The following CTNNBIP1 variants were observed in gnomAD, a reference collection of about 807,000 sequenced individuals.
CTNNBIP1 encodes the protein beta-catenin-interacting protein 1.
In CTNNBIP1, 7 loss-of-function variants were observed where a neutral mutation model predicts 11.8. The observed-to-expected ratio is 0.60, with a 90% CI of 0.34 to 1.12. The LOEUF (loss-of-function observed/expected upper bound fraction) is 1.12. CTNNBIP1 is among the 50% of genes most tolerant of loss of function. The probability of loss-of-function intolerance (pLI) is 0.03; values close to 1 mark genes in which losing one functional copy is unlikely to be tolerated. For missense variants in CTNNBIP1, 101 were observed against 113.4 expected, an observed-to-expected ratio of 0.89 and a Z score of 0.50; for synonymous variants, 58 against 43.9, an observed-to-expected ratio of 1.32 and a Z score of -1.26.
intron 1 of CTNNBIP1, among the ~76,000 whole-genome samples, chr1:9,906,337 C>T (rs1639619832): frequency 6.6e-6 from 1 of 152,136 alleles, no homozygotes; most frequent in African/African-American, 2.4e-5. Context: ...GTGGGTGGAT[C>T]GCCTGAGGTC....
chr1:9,878,924 G>A (rs912774838), intron 2 of CTNNBIP1, among the ~76,000 whole-genome samples: 5 of 152,156 alleles, frequency 3.3e-5, no homozygotes, highest in South Asian at 2.1e-4. Context: ...TTTGCCAGGC[G>A]CGGTGGCTCA....
rs899712284 is a variant in CTNNBIP1, at chr1:9,883,443, C to G, written c.-110+262G>C. The stretch of plus-strand genomic sequence containing the variant: ...AGGGGAGAGGTCCACCTGCCCCATC[C>G]CATGTCTACTCAGGCCCCACAGGCT... On this transcript the variant is annotated intron_variant, in intron 2 of 5. Coordinates refer to ENST00000377263, the MANE Select transcript of CTNNBIP1 (RefSeq NM_020248.3). This position sits in a 1 kb window ranked among gnomAD's most constrained non-coding sequence, Gnocchi z 5.6. 2.0e-5 allele frequency among the ~76,000 whole-genome samples: 3 copies of G among 152,104 alleles called. No individual in the cohort carries two copies. The highest frequency in any genetic ancestry group is 7.2e-5 in the African/African-American group (3 of 41,410).
rs1034308843 is a variant in CTNNBIP1 at position 9,871,193 on chromosome 1, C to T, written c.181G>A (p.Asp61Asn). Residue 61 changes from aspartate (D) to asparagine (N), a missense_variant, in exon 5 of 6, where the codon GAC (aspartate) becomes AAC (asparagine). Coordinates refer to ENST00000377263, the MANE Select transcript of CTNNBIP1 (RefSeq NM_020248.3). The surrounding 1 kb of genome is among the most constrained non-coding windows in gnomAD (Gnocchi z 5.2). ...QLSQLPPHSI[D>N]QGAEDVVMAF... ...CCCTCTGCCGCCAACTCACCCTGGT[C>T]GATGGAGTGCGGAGGCAGCTGGCTG... 3.2e-6 allele frequency: 5 copies of T among 1,571,410 alleles called. No individual in the cohort carries two copies. The highest frequency in any genetic ancestry group is 1.9e-5 in the Admixed American group (1 of 52,850).
chr1:9,892,151 G>A (rs527853743), intron 1 of CTNNBIP1, among the ~76,000 whole-genome samples: 4 of 151,620 alleles, frequency 2.6e-5, no homozygotes, highest in African/African-American at 4.8e-5. Flanking sequence ...GCCTGGGCGC[G>A]GTGGCTCACG....
chr1:9,906,048 G>A (rs1435374226), intron 1 of CTNNBIP1, among the ~76,000 whole-genome samples: 1 of 152,204 alleles, frequency 6.6e-6, no homozygotes, highest in East Asian at 1.9e-4. Context: ...CTTCAATTTA[G>A]CATATACCAA....
intron 5 of CTNNBIP1, among the ~76,000 whole-genome samples, chr1:9,869,190 G>A (rs1310706549): frequency 6.6e-6 from 1 of 151,810 alleles, no homozygotes; most frequent in East Asian, 1.9e-4. Flanking sequence ...TGTAGCGAGA[G>A]GGTCTCCCTA....
intron 1 of CTNNBIP1, among the ~76,000 whole-genome samples, chr1:9,891,141 T>A (rs1247473027): frequency 1.3e-5 from 2 of 148,978 alleles, no homozygotes; most frequent in African/African-American, 5.0e-5. Flanking sequence ...ACTGACACAG[T>A]GCTATTTTTG....
intron 2 of CTNNBIP1, among the ~76,000 whole-genome samples, chr1:9,880,285 A>G (rs1482486759): frequency 6.6e-6 from 1 of 152,134 alleles, no homozygotes; most frequent in African/African-American, 2.4e-5. Context: ...AGCTTCATCC[A>G]TGTCCCTGCA....
chr1:9,851,415 G>A lies in CTNNBIP1; in HGVS notation c.188-639C>T, dbSNP rs138247028. ...ATATGGAGTCTTGCTCTATCACCCA[G>A]GCTGGAGTATAGTGGCACAATCTCG... On this transcript the variant is annotated intron_variant, in intron 5 of 5. Coordinates refer to ENST00000377263, the MANE Select transcript of CTNNBIP1 (RefSeq NM_020248.3). This position sits in a 1 kb window ranked among gnomAD's most constrained non-coding sequence, Gnocchi z 4.8. Among the ~76,000 whole-genome samples, 575 of 151,942 alleles carry A rather than the reference G, an allele frequency of 3.8e-3. 1 individual carries two copies. The highest frequency in any genetic ancestry group is 0.013 in the African/African-American group (541 of 41,410).
Position 9,849,229 on chromosome 1 carries a change from CT to C in CTNNBIP1, c.*1488del, listed in dbSNP as rs1178506367. 1 of 152,508 alleles carries C rather than the reference CT, an allele frequency of 6.6e-6. No individual in the cohort carries two copies. The highest frequency in any genetic ancestry group is 1.5e-5 in the Non-Finnish European group (1 of 68,238). 9.4% of individuals were successfully genotyped at this position (152,508 alleles called of 1,614,324 possible). A position where few individuals can be genotyped will look rare whatever the true frequency, so the allele number is the denominator to read the frequency against. On this transcript the variant is annotated 3_prime_UTR_variant, in exon 6 of 6. Coordinates refer to ENST00000377263, the MANE Select transcript of CTNNBIP1 (RefSeq NM_020248.3). ...GAACACTAGACCTGCCCCTCACCCCCTGCCTCCAGGACTGCCATTCTGAACT... is the reference window on the plus strand; with the variant it reads ...GAACACTAGACCTGCCCCTCACCCCCGCCTCCAGGACTGCCATTCTGAACT...
intron 1 of CTNNBIP1, among the ~76,000 whole-genome samples, chr1:9,899,007 T>C (rs1018463614): frequency 6.6e-6 from 1 of 152,216 alleles, no homozygotes; most frequent in Admixed American, 6.6e-5. Flanking sequence ...CCGTAGGTTT[T>C]TGGGGAACAG....
In CTNNBIP1 at chr1:9,884,235, C is replaced by A. The variant is rs148352026; in HGVS notation, c.-143-497G>T. On this transcript the variant is annotated intron_variant, in intron 1 of 5. Transcript: ENST00000377263. ...ACTGGATGCCCTTTCCTGGGAATGG[C>A]TCCAGGCACACTCCCCAGCCCACAG... 4.2e-3 allele frequency among the ~76,000 whole-genome samples: 645 copies of A among 152,222 alleles called. 7 individuals are homozygous for A. The highest frequency in any genetic ancestry group is 0.015 in the African/African-American group (617 of 41,534).
At chr1:9,909,589 C>G (rs1446604140) in intron 1 of CTNNBIP1, among the ~76,000 whole-genome samples, 1 of 152,164 alleles carries the variant, frequency 6.6e-6, no homozygotes, top group African/African-American at 2.4e-5. Flanking sequence ...CGTGCATACA[C>G]GCCCGCCATC....
chr1:9,904,959 G>A (rs1639589190), intron 1 of CTNNBIP1, among the ~76,000 whole-genome samples: 1 of 152,184 alleles, frequency 6.6e-6, no homozygotes, highest in Non-Finnish European at 1.5e-5. Context: ...CAACCTAGCT[G>A]ATGCTTCCCT....
intron 1 of CTNNBIP1, among the ~76,000 whole-genome samples, chr1:9,892,412 A>G (rs1639323394): frequency 7.1e-6 from 1 of 140,796 alleles, no homozygotes; most frequent in Admixed American, 7.3e-5. Context: ...ACAGAGCGAG[A>G]CTCCGTCTAA....
At chr1:9,854,630 T>C (rs1449048431) in intron 5 of CTNNBIP1, among the ~76,000 whole-genome samples, 1 of 152,106 alleles carries the variant, frequency 6.6e-6, no homozygotes, top group Non-Finnish European at 1.5e-5. Flanking sequence ...TCCCTATTTG[T>C]AGATGACATG....
chr1:9,907,094 C>G (rs1278379306), intron 1 of CTNNBIP1, among the ~76,000 whole-genome samples: 1 of 152,212 alleles, frequency 6.6e-6, no homozygotes, highest in Non-Finnish European at 1.5e-5. Context: ...CCCCAAGGTC[C>G]TCTCATTCTG....
At chr1:9,854,958 T>G (rs75875339) in intron 5 of CTNNBIP1, among the ~76,000 whole-genome samples, 7,318 of 152,232 alleles carry the variant, frequency 0.048, 479 homozygotes, top group East Asian at 0.2. Context: ...ATTACAGGCT[T>G]GAGCTACTGC....
intron 1 of CTNNBIP1, among the ~76,000 whole-genome samples, chr1:9,890,308 G>T (rs1031899702): frequency 5.9e-5 from 9 of 152,178 alleles, no homozygotes; most frequent in African/African-American, 2.2e-4. Context: ...AAGATCCTGG[G>T]CTATGTCTTC....
Sources: gnomAD v4.1 joint callset for allele counts (sites outside exome capture counted in the v4.1 genomes callset) on GRCh38, gnomAD v4.1.1 for gene constraint, Gnocchi (gnomAD v3.1) non-coding constraint, MANE v1.5 for transcripts, NCBI Gene and HGNC (gene_info 2026-07-23, HGNC 2026-07-21) for gene names.